Variants in GFM2 observed in about 807,000 individuals in gnomAD.
GFM2 encodes GTP dependent ribosome recycling factor mitochondrial 2.
A neutral mutation model predicts 95.4 loss-of-function variants in GFM2; 72 were observed. The observed-to-expected ratio is 0.76, with a 90% CI of 0.62 to 0.92. GFM2 has a LOEUF of 0.92. Ranked by LOEUF, GFM2 falls within the 40% of genes least tolerant of loss-of-function variation. GFM2 has a pLI of 0.00. For synonymous variants in GFM2, 276 were observed against 317.5 expected (o/e 0.87, Z 1.39); for missense variants, 825 against 924.1 (o/e 0.89, Z 1.39).
chr5:74,740,189 A>T, intron 11 of GFM2, 52 bp from the exon 12 acceptor site: 1 of 1,503,964 alleles, frequency 6.6e-7, no homozygotes, highest in South Asian at 1.3e-5. Flanking sequence ...GGTCTTGGCG[A>T]GAAGCTCAAA....
At chr5:74,724,550 G>A (rs1489815868) in intron 19 of GFM2, among the ~76,000 whole-genome samples, 1 of 151,704 alleles carries the variant, frequency 6.6e-6, no homozygotes, top group East Asian at 1.9e-4. Flanking sequence ...TACTTTGCAG[G>A]TAACATTTCC....
At chr5:74,744,928 T>C (rs1394402110) in intron 10 of GFM2, among the ~76,000 whole-genome samples, 2 of 152,132 alleles carry the variant, frequency 1.3e-5, no homozygotes, top group Non-Finnish European at 2.9e-5. Context: ...ATTTGCAACA[T>C]GGATAAAGTT....
At position 74,726,013 on chromosome 5, in the gene GFM2, T is replaced by C. The variant is rs777105528; in HGVS notation, c.1840A>G (p.Ser614Gly). The C allele has an allele frequency of 1.6e-5, 26 of 1,590,098 alleles. No individual in the cohort carries two copies. In the South Asian group the frequency reaches 2.6e-4, roughly 16 times the overall value. Residue 614 changes from serine to glycine, a missense_variant, in exon 18 of 21, where the codon AGT becomes GGT. Ser to Gly is a moderately conservative substitution (Grantham distance 56). Coordinates refer to ENST00000296805, the MANE Select transcript of GFM2 (RefSeq NM_032380.5). Reference protein sequence around the residue: ...MPVIEFEYAESINEGLLKVSQ... With the variant: ...MPVIEFEYAEGINEGLLKVSQ... ...ACCTTCAAAAGGCCTTCATTGATAC[T>C]TTCAGCATACTCAAACTCAATCACA...
chr5:74,752,809 C>T (rs1329591690), intron 5 of GFM2, among the ~76,000 whole-genome samples: 1 of 152,158 alleles, frequency 6.6e-6, no homozygotes, highest in Non-Finnish European at 1.5e-5. Flanking sequence ...AACACATGGA[C>T]AATCACTGCA....
chr5:74,752,737 C>T (rs1743780872), intron 5 of GFM2, among the ~76,000 whole-genome samples: 1 of 152,154 alleles, frequency 6.6e-6, no homozygotes, highest in Non-Finnish European at 1.5e-5. Context: ...TCTACAACAA[C>T]CTGGATAGTT....
At chr5:74,757,225 A>AAG (rs1744032027) in intron 5 of GFM2, among the ~76,000 whole-genome samples, 1 of 152,164 alleles carries the variant, frequency 6.6e-6, no homozygotes, top group East Asian at 1.9e-4. Context: ...GTGTATATAA[A>AAG]AGAGAGAGAG....
chr5:74,765,868 G>A (rs991766122), intron 1 of GFM2, among the ~76,000 whole-genome samples: 2 of 151,988 alleles, frequency 1.3e-5, no homozygotes, highest in Non-Finnish European at 2.9e-5. Context: ...GTGTGGTGGC[G>A]AGCGCCTATA....
chr5:74,731,821 C>T (rs1561239423), intron 16 of GFM2, among the ~76,000 whole-genome samples: 1 of 151,570 alleles, frequency 6.6e-6, no homozygotes, highest in Non-Finnish European at 1.5e-5. Context: ...AAAGGCTATT[C>T]ACCAAGTTTT....
In GFM2 at chr5:74,738,430, A is replaced by G. The variant is rs536132088; in HGVS notation, c.1221-13T>C. 3.6e-5 allele frequency: 58 copies of G among 1,611,692 alleles called. 1 individual carries two copies. The South Asian group carries it at 5.2e-4, about 14-fold the overall frequency. ...ACTTATTCTCTCCCTGTAAAATCAC[A>G]ATTTTATGTTAGTAAAAGTATTTTT... is the stretch of plus-strand genomic sequence containing the variant. On this transcript the variant is annotated splice_polypyrimidine_tract_variant and intron_variant, in intron 13 of 20. Coordinates refer to ENST00000296805, the MANE Select transcript of GFM2 (RefSeq NM_032380.5).
chr5:74,726,061 T>C lies in GFM2; in HGVS notation c.1792A>G (p.Ile598Val), dbSNP rs1180278931. 4.3e-6 allele frequency: 7 copies of C among 1,613,442 alleles called. No homozygotes were observed. The highest frequency in any genetic ancestry group is 5.9e-6 in the Non-Finnish European group (7 of 1,179,802). Residue 598 changes from isoleucine (I) to valine (V), a missense_variant, in exon 18 of 21, where the codon ATT (isoleucine) becomes GTT (valine). Physicochemically the swap from Ile to Val is conservative, Grantham distance 29. Transcript: ENST00000296805. ...LVTVEVEARP[I>V]ETSSVMPVIE... ...ACAGGCATAACAGATGATGTTTCAATTGGCCTTGCTTCCACTTCTACAGTC... is the reference window on the plus strand; with the variant it reads ...ACAGGCATAACAGATGATGTTTCAACTGGCCTTGCTTCCACTTCTACAGTC...
chr5:74,736,462 C>A (rs988292692), intron 15 of GFM2: 1 of 984,992 alleles, frequency 1.0e-6, no homozygotes, highest in African/African-American at 1.7e-5. Context: ...ATGATGATGA[C>A]AAACTGAATT....
At position 74,744,927 on chromosome 5, in the gene GFM2, A is replaced by G. The variant is rs143994662; in HGVS notation, c.849+751T>C. On this transcript the variant is annotated intron_variant, in intron 10 of 20. Transcript: ENST00000296805. ...GATTATAACTACACATATTTGCAAC[A>G]TGGATAAAGTTCCAACAATGTTGAG... Among the ~76,000 whole-genome samples, 549 of 152,354 alleles carry G rather than the reference A, an allele frequency of 3.6e-3. 6 individuals are homozygous for G. Among genetic ancestry groups the G allele is most frequent in the African/African-American group, 0.013 (527 of 41,580 alleles).
chr5:74,731,042 A>G (rs1742536371), intron 16 of GFM2, among the ~76,000 whole-genome samples: 1 of 152,078 alleles, frequency 6.6e-6, no homozygotes, highest in Non-Finnish European at 1.5e-5. Flanking sequence ...CGAACTCGTG[A>G]CCTCAGGTAA....
intron 15 of GFM2, among the ~76,000 whole-genome samples, chr5:74,734,412 G>A (rs183916868): frequency 1.8e-3 from 271 of 152,116 alleles, no homozygotes; most frequent in Middle Eastern, 0.01. Flanking sequence ...AGACAATACT[G>A]TTCTAGACCC....
intron 3 of GFM2, among the ~76,000 whole-genome samples, chr5:74,760,566 A>T (rs2112363346): frequency 6.6e-6 from 1 of 152,340 alleles, no homozygotes; most frequent in Non-Finnish European, 1.5e-5. Flanking sequence ...CTTGACAGAA[A>T]ACACTTGCAT....
At chr5:74,743,329 A>T (rs1743206099) in intron 10 of GFM2, among the ~76,000 whole-genome samples, 1 of 152,190 alleles carries the variant, frequency 6.6e-6, no homozygotes, top group Non-Finnish European at 1.5e-5. Context: ...AGGAATCGCC[A>T]TATTGTTTTC....
At chr5:74,755,331 A>C (rs1308256502) in intron 5 of GFM2, among the ~76,000 whole-genome samples, 2 of 152,176 alleles carry the variant, frequency 1.3e-5, no homozygotes, top group East Asian at 3.9e-4. Flanking sequence ...ATCAACTCCA[A>C]AAGGAACCCT....
rs757160377 is a variant in GFM2, at chr5:74,764,778, G to GTTTTTTT, written c.-24-1019_-24-1013dup. On this transcript the variant is annotated intron_variant, in intron 1 of 20. Transcript: ENST00000296805. ...TATATTTGAATCTGTTCCCTTTGTT[G>GTTTTTTT]TTTTTTTTTTTTTTTTTTTTTTTTT... Among the ~76,000 whole-genome samples, 40 of 70,490 alleles carry GTTTTTTT rather than the reference G, an allele frequency of 5.7e-4. 2 individuals are homozygous for GTTTTTTT. Among genetic ancestry groups the GTTTTTTT allele is most frequent in the South Asian group, 1.6e-3 (3 of 1,900 alleles). 46.2% of individuals were successfully genotyped at this position (70,490 alleles called of 152,430 possible). A position where few individuals can be genotyped will look rare whatever the true frequency, so the allele number is the denominator to read the frequency against.
Position 74,741,513 on chromosome 5 carries a change from G to C in GFM2, c.930+16C>G. On this transcript the variant is annotated intron_variant, in intron 11 of 20. Coordinates refer to ENST00000296805, the MANE Select transcript of GFM2 (RefSeq NM_032380.5). Reference sequence around the variant, plus strand: ...TTAGTAAAATTTTGTGAAAGCCATTGAATAATAAAATTTACCTTTTCAGCT... The same window carrying C: ...TTAGTAAAATTTTGTGAAAGCCATTCAATAATAAAATTTACCTTTTCAGCT... 1.6e-6 allele frequency: 2 copies of C among 1,257,940 alleles called. No individual in the cohort carries two copies. Among genetic ancestry groups the C allele is most frequent in the Non-Finnish European group, 2.3e-6 (2 of 870,862 alleles). The allele number at this position is 1,257,940 out of a possible 1,614,324, so 77.9% of individuals were successfully genotyped here. A position where few individuals can be genotyped will look rare whatever the true frequency, so the allele number is the denominator to read the frequency against.
Sources: allele counts gnomAD v4.1 joint callset (sites outside exome capture counted in the v4.1 genomes callset), GRCh38; gene constraint gnomAD v4.1.1; transcripts MANE v1.5; gene names NCBI Gene and HGNC (gene_info 2026-07-23, HGNC 2026-07-21).